Variants in EIF4G3 observed in about 807,000 individuals in gnomAD.
EIF4G3 encodes the protein eukaryotic translation initiation factor 4 gamma 3.
A neutral mutation model predicts 186.4 loss-of-function variants in EIF4G3; 34 were observed. That is an observed-to-expected ratio of 0.18 (90% CI 0.14 to 0.24). The LOEUF is 0.24. Ranked by LOEUF, EIF4G3 falls within the 10% of genes least tolerant of loss-of-function variation. The pLI, the probability that EIF4G3 is intolerant of heterozygous loss-of-function variation, is 1.00. For missense variants in EIF4G3, 1,536 were observed against 1,948.5 expected (o/e 0.79, Z 3.99); for synonymous variants, 673 against 679.5 (o/e 0.99, Z 0.15).
chr1:20,840,361 A>C (rs978389526), intron 30 of EIF4G3, among the ~76,000 whole-genome samples: 4 of 152,332 alleles, frequency 2.6e-5, no homozygotes, highest in African/African-American at 9.6e-5. Flanking sequence ...AAATAGACTA[A>C]ATCATTAAGA....
chr1:21,077,146 T>A (rs1392830317), intron 3 of EIF4G3, among the ~76,000 whole-genome samples: 1 of 152,156 alleles, frequency 6.6e-6, no homozygotes, highest in African/African-American at 2.4e-5. Flanking sequence ...TGATCTGTAA[T>A]CCCACTCTGG....
intron 6 of EIF4G3, among the ~76,000 whole-genome samples, chr1:21,000,355 A>G (rs1310313030): frequency 6.6e-6 from 1 of 152,144 alleles, no homozygotes; most frequent in East Asian, 1.9e-4. Flanking sequence ...TCCAGGGAAG[A>G]ACAGAAAAGC....
chr1:20,811,465 G>C (rs1306530948), intron 35 of EIF4G3, among the ~76,000 whole-genome samples: 1 of 152,168 alleles, frequency 6.6e-6, no homozygotes, highest in Admixed American at 6.6e-5. Flanking sequence ...CAAGAGAAGA[G>C]GAGGCAAGAA....
At position 20,980,315 on chromosome 1, in the gene EIF4G3, C is replaced by G; in HGVS notation, c.493+19G>C. ...AAACACAAAAAACTAGCAGAAATGT[C>G]TTGACTTTTCCTACTTACCATAAGC... On this transcript the variant is annotated intron_variant, in intron 10 of 36. Transcript: ENST00000602326. 6.6e-7 allele frequency: 1 copy of G among 1,509,118 alleles called. No homozygotes were observed. The highest frequency in any genetic ancestry group is 8.9e-7 in the Non-Finnish European group (1 of 1,129,062). 93.5% of individuals were successfully genotyped at this position (1,509,118 alleles called of 1,614,324 possible).
At chr1:20,882,705 G>C (rs936592002) in intron 19 of EIF4G3, among the ~76,000 whole-genome samples, 1 of 152,054 alleles carries the variant, frequency 6.6e-6, no homozygotes, top group Non-Finnish European at 1.5e-5. Flanking sequence ...TACTTGGAAG[G>C]CTGAGGTGGG....
chr1:21,136,132 G>A (rs140860803), intron 2 of EIF4G3, among the ~76,000 whole-genome samples: 4,450 of 152,106 alleles, frequency 0.029, 141 homozygotes, highest in East Asian at 0.14. Flanking sequence ...GCAGTGAGCC[G>A]AGATTGCGCT....
chr1:20,853,667 C>A lies in EIF4G3; in HGVS notation c.3444G>T (p.Arg1148=), dbSNP rs774750619. 1.9e-6 allele frequency: 3 copies of A among 1,609,016 alleles called. No homozygotes were observed. In the African/African-American group the frequency reaches 4.1e-5, roughly 22 times the overall value. The change falls in exon 27 of 37, where the codon CGG becomes CGT. Residue 1148 remains arginine (R), a synonymous_variant. Transcript: ENST00000602326. ...GAKASETDAL[R]SSASSLNRFS... ...ATCTGTTTAAACTGGAAGCACTTGA[C>A]CGTAAGGCATCTACACATGTCGAGG...
chr1:20,882,740 G>A (rs949229151), intron 19 of EIF4G3, among the ~76,000 whole-genome samples: 8 of 151,882 alleles, frequency 5.3e-5, no homozygotes, highest in South Asian at 2.1e-4. Flanking sequence ...AAGCTTCAGC[G>A]AGCCATCATT....
intron 14 of EIF4G3, chr1:20,929,403 T>C (rs2095167737): frequency 6.6e-6 from 1 of 152,224 alleles, no homozygotes; most frequent in African/African-American, 2.4e-5. Context: ...ACATTATACA[T>C]GCAAACGGCC....
intron 2 of EIF4G3, among the ~76,000 whole-genome samples, chr1:21,145,502 A>C (rs1322747943): frequency 6.6e-6 from 1 of 151,930 alleles, no homozygotes; most frequent in Non-Finnish European, 1.5e-5. Context: ...GTAGCCTCAA[A>C]GGATACTCCC....
Position 20,863,378 on chromosome 1 carries a change from T to TAAAAAAAAAAAAAAAA in EIF4G3, c.3007-1062_3007-1047dup, listed in dbSNP as rs3051243. ...TGAGACCCATCATCTCTACAAAAAG[T>TAAAAAAAAAAAAAAAA]AAAAAAAAAAAAAAAAAAAAAAAAT... On this transcript the variant is annotated intron_variant, in intron 22 of 36. Transcript: ENST00000602326. 8.0e-3 allele frequency among the ~76,000 whole-genome samples: 817 copies of TAAAAAAAAAAAAAAAA among 102,318 alleles called. 10 individuals carry two copies. The highest frequency in any genetic ancestry group is 0.031 in the African/African-American group (750 of 24,174). The allele number at this position is 102,318 out of a possible 152,430, so 67.1% of individuals were successfully genotyped here.
At chr1:20,953,820 CAA>C (rs1397732262) in intron 12 of EIF4G3, among the ~76,000 whole-genome samples, 2 of 152,096 alleles carry the variant, frequency 1.3e-5, no homozygotes, top group African/African-American at 4.8e-5. Context: ...GTGGGGAAAA[CAA>C]GAGACAAACA....
In EIF4G3 at chr1:20,807,470, T is replaced by C; in HGVS notation, c.4775A>G (p.Tyr1592Cys). 6.2e-7 allele frequency: 1 copy of C among 1,600,038 alleles called. No homozygotes were observed. Among genetic ancestry groups the C allele is most frequent in the East Asian group, 2.2e-5 (1 of 44,522 alleles). ...NLLRMFFDCL[Y>C]DEEVISEDAF... ...ATCCTCGGAGATCACCTCCTCGTCA[T>C]ATAGACAATCAAAAAACATCCGCAG... The change falls in exon 37 of 37, where the codon TAT becomes TGT. Residue 1592 changes from tyrosine (Y) to cysteine (C), a missense_variant. Tyr to Cys is a radical substitution (Grantham distance 194). Transcript: ENST00000602326.
At chr1:21,079,628 G>A (rs548226807) in intron 3 of EIF4G3, among the ~76,000 whole-genome samples, 117 of 150,912 alleles carry the variant, frequency 7.8e-4, no homozygotes, top group African/African-American at 2.3e-3. Flanking sequence ...AGGCTGCAGC[G>A]AGCCATGACT....
chr1:20,879,498 C>A lies in EIF4G3; in HGVS notation c.2447G>T (p.Ser816Ile). Residue 816 changes from serine to isoleucine, a missense_variant, in exon 20 of 37, where the codon AGT becomes ATT. This residue lies in a region of EIF4G3 where 139 missense variants were observed against 192.8 expected (regional missense o/e 0.72). Transcript: ENST00000602326. The stretch of plus-strand genomic sequence containing the variant: ...CTGTGGTGTCAATTTATTTAAGATA[C>A]TTCGAACTTTTCTAAAAAGCTCCTA... ...KTQELFRKVR[S>I]ILNKLTPQMF... is the part of the protein sequence containing the mutation. 2 of 1,450,244 alleles carry A rather than the reference C, an allele frequency of 1.4e-6. No homozygotes were observed. The highest frequency in any genetic ancestry group is 1.6e-5 in the South Asian group (1 of 63,668). 89.8% of individuals were successfully genotyped at this position (1,450,244 alleles called of 1,614,324 possible).
chr1:21,132,732 G>A (rs1016331615), intron 2 of EIF4G3, among the ~76,000 whole-genome samples: 1 of 151,826 alleles, frequency 6.6e-6, no homozygotes, highest in African/African-American at 2.4e-5. Flanking sequence ...GAGCTACCAT[G>A]CCCAGCTTTC....
intron 4 of EIF4G3, among the ~76,000 whole-genome samples, chr1:21,038,267 C>A (rs1209935219): frequency 6.6e-6 from 1 of 152,156 alleles, no homozygotes; most frequent in East Asian, 1.9e-4. Flanking sequence ...TCTCTCCAAT[C>A]CCAGGACCAG....
chr1:21,134,196 CATA>C (rs1450597735), intron 2 of EIF4G3, among the ~76,000 whole-genome samples: 4 of 152,250 alleles, frequency 2.6e-5, no homozygotes, highest in Non-Finnish European at 5.9e-5. Context: ...GTATCTCAGT[CATA>C]ATGAGACTTA....
At chr1:21,092,920 C>T (rs2096250236) in intron 2 of EIF4G3, among the ~76,000 whole-genome samples, 1 of 152,078 alleles carries the variant, frequency 6.6e-6, no homozygotes, top group African/African-American at 2.4e-5. Flanking sequence ...AAACTGGATC[C>T]CTTCCTTACA....
Sources: gnomAD v4.1 joint callset for allele counts (sites outside exome capture counted in the v4.1 genomes callset) on GRCh38, gnomAD v4.1.1 for gene constraint, gnomAD v4.1.1 regional missense constraint, MANE v1.5 for transcripts, NCBI Gene and HGNC (gene_info 2026-07-23, HGNC 2026-07-21) for gene names.